Variants in ROBO2 observed in about 807,000 individuals in gnomAD.
The protein encoded by ROBO2 is roundabout homolog 2.
Under a neutral mutation model 160.8 loss-of-function variants are expected in ROBO2, and 53 were observed. The ratio of observed to expected loss-of-function variants is 0.33; its 90% confidence interval spans 0.26 to 0.41. The LOEUF (loss-of-function observed/expected upper bound fraction) is 0.41. Ranked by LOEUF, ROBO2 falls within the 10% of genes least tolerant of loss-of-function variation. The pLI is 1.00. For synonymous variants in ROBO2, 664 were observed against 611.7 expected (o/e 1.09, Z -1.26); for missense variants, 1,577 against 1,722.4 (o/e 0.92, Z 1.49).
At chr3:76,927,145 A>G (rs1374452547) in intron 2 of ROBO2, among the ~76,000 whole-genome samples, 1 of 152,200 alleles carries the variant, frequency 6.6e-6, no homozygotes, top group East Asian at 1.9e-4. Context: ...GATACAGAAC[A>G]GTGATTTGCA....
At chr3:77,270,503 A>G (rs943007475) in intron 2 of ROBO2, among the ~76,000 whole-genome samples, 5 of 152,188 alleles carry the variant, frequency 3.3e-5, no homozygotes, top group African/African-American at 1.2e-4. Context: ...AAAACCCTTA[A>G]TCATTGACAT....
chr3:76,124,055 A>G (rs1448015225), intron 2 of ROBO2, among the ~76,000 whole-genome samples: 3 of 152,110 alleles, frequency 2.0e-5, no homozygotes, highest in Non-Finnish European at 4.4e-5. Flanking sequence ...CTTAAAAATA[A>G]TGAGTTTTTT....
intron 2 of ROBO2, among the ~76,000 whole-genome samples, chr3:76,744,968 G>A (rs1247748561): frequency 6.6e-6 from 1 of 152,030 alleles, no homozygotes; most frequent in Non-Finnish European, 1.5e-5. Context: ...AGCTTTTCCT[G>A]CCAGAAGACA....
At chr3:77,364,964 G>C (rs1316232037) in intron 2 of ROBO2, among the ~76,000 whole-genome samples, 2 of 151,998 alleles carry the variant, frequency 1.3e-5, no homozygotes, top group Non-Finnish European at 2.9e-5. Flanking sequence ...GGCCAACATG[G>C]TGAAAACCTG....
chr3:76,415,722 G>T (rs2075729780), intron 2 of ROBO2, among the ~76,000 whole-genome samples: 1 of 152,098 alleles, frequency 6.6e-6, no homozygotes, highest in Non-Finnish European at 1.5e-5. Context: ...GTAGGTATAT[G>T]AATTTGTAGA....
intron 2 of ROBO2, among the ~76,000 whole-genome samples, chr3:76,533,728 G>T (rs971804731): frequency 6.6e-6 from 1 of 152,118 alleles, no homozygotes; most frequent in Non-Finnish European, 1.5e-5. Context: ...GGTAGGCAGT[G>T]GAAAGTTACA....
chr3:76,934,958 A>ATTTTTTTTT (rs151316771), intron 2 of ROBO2, among the ~76,000 whole-genome samples: 18,754 of 146,224 alleles, frequency 0.13, 1,622 homozygotes, highest in Non-Finnish European at 0.18. Context: ...AGGCTTCACA[A>ATTTTTTTTT]ATTTTTTTTT....
chr3:77,597,586 A>G (rs1179162093), intron 19 of ROBO2, among the ~76,000 whole-genome samples: 2 of 152,300 alleles, frequency 1.3e-5, no homozygotes, highest in Non-Finnish European at 2.9e-5. Context: ...CAGACATTAA[A>G]TGTGCTTAAA....
chr3:77,617,948 C>CAAAACTAGAACT, intron 22 of ROBO2, 175 bp downstream of exon 23: 1 of 698,378 alleles, frequency 1.4e-6, no homozygotes, highest in Non-Finnish European at 2.3e-6. Context: ...ATAATTTGGC[C>CAAAACTAGAACT]AAAACTAGAA....
At chr3:77,346,855 T>TTTGTCCTTTCTCCC (rs1372309223) in intron 2 of ROBO2, among the ~76,000 whole-genome samples, 1 of 152,150 alleles carries the variant, frequency 6.6e-6, no homozygotes, top group African/African-American at 2.4e-5. Context: ...CCCTTTCTCC[T>TTTGTCCTTTCTCCC]TTGTCCTTTC....
At chr3:77,262,575 A>C (rs1314283038) in intron 2 of ROBO2, among the ~76,000 whole-genome samples, 3 of 152,114 alleles carry the variant, frequency 2.0e-5, no homozygotes, top group African/African-American at 7.2e-5. Context: ...GCAGGGCCCC[A>C]GCTTCAAGTT....
chr3:77,361,978 TTAA>T (rs1279773267), intron 2 of ROBO2, among the ~76,000 whole-genome samples: 1 of 152,160 alleles, frequency 6.6e-6, no homozygotes, highest in Non-Finnish European at 1.5e-5. Flanking sequence ...AATTCTTGCC[TTAA>T]TGATATTTAT....
At chr3:76,376,830 A>AT (rs2076370490) in intron 2 of ROBO2, among the ~76,000 whole-genome samples, 1 of 152,046 alleles carries the variant, frequency 6.6e-6, no homozygotes. Context: ...GTTGAGGAGG[A>AT]TTTTAGCTCC....
chr3:76,452,707 G>T (rs1273904376), intron 2 of ROBO2, among the ~76,000 whole-genome samples: 3 of 152,188 alleles, frequency 2.0e-5, no homozygotes, highest in Non-Finnish European at 4.4e-5. Context: ...GGATGGCTGG[G>T]TCAAATGGTA....
chr3:77,470,276 C>T (rs1196094606), intron 2 of ROBO2, among the ~76,000 whole-genome samples: 1 of 152,076 alleles, frequency 6.6e-6, no homozygotes, highest in East Asian at 1.9e-4. Context: ...TGCATTTTAG[C>T]TAACTCATAA....
chr3:76,880,345 A>G (rs947260386), intron 2 of ROBO2, among the ~76,000 whole-genome samples: 1 of 152,178 alleles, frequency 6.6e-6, no homozygotes, highest in Non-Finnish European at 1.5e-5. Flanking sequence ...AGAAATGCAT[A>G]TACATACATA....
At chr3:77,607,009 G>T (rs1214157737) in intron 20 of ROBO2, among the ~76,000 whole-genome samples, 2 of 152,144 alleles carry the variant, frequency 1.3e-5, no homozygotes, top group Non-Finnish European at 2.9e-5. Flanking sequence ...CTGTCCAAAT[G>T]ATAAATTGTA....
At chr3:76,443,427 G>A (rs1014766540) in intron 2 of ROBO2, among the ~76,000 whole-genome samples, 4 of 152,170 alleles carry the variant, frequency 2.6e-5, no homozygotes, top group Admixed American at 1.3e-4. Flanking sequence ...TATCCCCTGA[G>A]TATACGTAGG....
intron 2 of ROBO2, among the ~76,000 whole-genome samples, chr3:76,573,836 T>C (rs1398091114): frequency 6.6e-6 from 1 of 152,114 alleles, no homozygotes; most frequent in East Asian, 1.9e-4. Flanking sequence ...ACTCTTGCTC[T>C]CTTCACTGCA....
Sources: gnomAD v4.1 joint callset for allele counts (sites outside exome capture counted in the v4.1 genomes callset) on GRCh38, gnomAD v4.1.1 for gene constraint, MANE v1.5 for transcripts, NCBI Gene and HGNC (gene_info 2026-07-23, HGNC 2026-07-21) for gene names.